FGD4: variants seen among roughly 807,000 people sequenced by gnomAD.
FGD4 encodes the protein FYVE, RhoGEF and PH domain-containing protein 4.
A neutral mutation model predicts 102.0 loss-of-function variants in FGD4; 42 were observed. That is an observed-to-expected ratio of 0.41 (90% confidence interval 0.32 to 0.53). The LOEUF (loss-of-function observed/expected upper bound fraction) is 0.53, where lower values mean the gene tolerates loss of function less well. Ranked by LOEUF, FGD4 falls within the 20% of genes least tolerant of loss-of-function variation. The pLI is 0.21. For missense variants in FGD4, 902 were observed against 1,078.2 expected (o/e 0.84, Z 2.29); for synonymous variants, 380 against 375.7 (o/e 1.01, Z -0.13).
At chr12:32,530,911 C>T (rs560753302) in intron 1 of FGD4, among the ~76,000 whole-genome samples, 8 of 133,722 alleles carry the variant, frequency 6.0e-5, no homozygotes, top group African/African-American at 2.3e-4. Context: ...TGAGTTTACA[C>T]TATCTATGAC....
intron 4 of FGD4, among the ~76,000 whole-genome samples, chr12:32,590,427 A>G (rs1195359007): frequency 6.6e-6 from 1 of 152,022 alleles, no homozygotes; most frequent in East Asian, 1.9e-4. Flanking sequence ...CTGTTAACAA[A>G]TAGTTCTTGA....
At position 32,644,024 on chromosome 12, in the gene FGD4, G is replaced by T. The variant is rs1300056625; in HGVS notation, c.*3491G>T. 6.6e-6 allele frequency: 1 copy of T among 152,082 alleles called. No individual in the cohort carries two copies. Among genetic ancestry groups the T allele is most frequent in the Non-Finnish European group, 1.5e-5 (1 of 67,982 alleles). 9.4% of individuals were successfully genotyped at this position (152,082 alleles called of 1,614,324 possible). A position where few individuals can be genotyped will look rare whatever the true frequency, so the allele number is the denominator to read the frequency against. On this transcript the variant is annotated 3_prime_UTR_variant, in exon 17 of 17. Coordinates refer to ENST00000534526, the MANE Select transcript of FGD4 (RefSeq NM_001370298.3). ...CGTCTTGGGTTTTATAGGTATCTTTGCTATAATGCAGAATAGATTAATGAA... is the reference window on the plus strand; with the variant it reads ...CGTCTTGGGTTTTATAGGTATCTTTTCTATAATGCAGAATAGATTAATGAA...
chr12:32,447,151 G>C (rs528534200), intron 1 of FGD4, among the ~76,000 whole-genome samples: 2 of 152,330 alleles, frequency 1.3e-5, no homozygotes, highest in African/African-American at 4.8e-5. Flanking sequence ...ATGTCTCCTA[G>C]CTCATCCAGA....
At position 32,450,121 on chromosome 12, in the gene FGD4, C is replaced by T. The variant is rs141873338; in HGVS notation, c.166+50162C>T. ...CTAATTTTTGTATTTTTAGTAGTGA[C>T]GGGGTTTCACCATATTGGCCAGGCT... is the stretch of plus-strand genomic sequence containing the variant. On this transcript the variant is annotated intron_variant, in intron 1 of 16. Transcript: ENST00000534526. Among the ~76,000 whole-genome samples the T allele has an allele frequency of 4.6e-4, 70 of 151,872 alleles. No individual in the cohort carries two copies. The East Asian group carries it at 0.013, about 27-fold the overall frequency.
At chr12:32,618,106 T>C (rs1303055981) in intron 10 of FGD4, among the ~76,000 whole-genome samples, 1 of 152,238 alleles carries the variant, frequency 6.6e-6, no homozygotes, top group Non-Finnish European at 1.5e-5. Flanking sequence ...TGGCAAATGC[T>C]AAGAACCTTC....
chr12:32,575,793 TTTG>T (rs1268862244), intron 2 of FGD4, among the ~76,000 whole-genome samples: 2 of 152,224 alleles, frequency 1.3e-5, no homozygotes, highest in Non-Finnish European at 2.9e-5. Flanking sequence ...ATTACTGTTG[TTTG>T]TTGTTGTTTT....
rs937065526 is a variant in FGD4, at chr12:32,643,173, C to T, written c.*2640C>T. ...AATTTTGCTTTTGCTGAAAGCCTAC[C>T]ATTTGGCGTGTTAAGTATGAAATAT... On this transcript the variant is annotated 3_prime_UTR_variant, in exon 17 of 17. Coordinates refer to ENST00000534526, the MANE Select transcript of FGD4 (RefSeq NM_001370298.3). 6.6e-6 allele frequency: 1 copy of T among 152,394 alleles called. No homozygotes were observed. Among genetic ancestry groups the T allele is most frequent in the Non-Finnish European group, 1.5e-5 (1 of 67,928 alleles). 9.4% of individuals were successfully genotyped at this position (152,394 alleles called of 1,614,324 possible).
chr12:32,411,475 G>A (rs1941205229), intron 1 of FGD4, among the ~76,000 whole-genome samples: 2 of 151,492 alleles, frequency 1.3e-5, no homozygotes, highest in Admixed American at 6.6e-5. Flanking sequence ...CAGAGGTTGC[G>A]GTGAGGCGAG....
intron 1 of FGD4, among the ~76,000 whole-genome samples, chr12:32,493,530 A>T (rs904586648): frequency 6.6e-6 from 1 of 152,108 alleles, no homozygotes; most frequent in Non-Finnish European, 1.5e-5. Context: ...ACCCACCTCC[A>T]CTCCATTAGC....
At chr12:32,550,427 T>C (rs1051901598) in intron 1 of FGD4, among the ~76,000 whole-genome samples, 6 of 152,026 alleles carry the variant, frequency 3.9e-5, no homozygotes, top group African/African-American at 1.4e-4. Flanking sequence ...CCCATCACTT[T>C]GGGAGGGCGA....
rs1947260110 is a variant in FGD4 at position 32,588,933 on chromosome 12, T to A, written c.1011+6466T>A. On this transcript the variant is annotated intron_variant, in intron 4 of 16. Transcript: ENST00000534526. ...GCTTTATATGGGGTTAAAAACAAAT[T>A]AAAAAGCCAGATACCTAACCTAGTG... 3.3e-5 allele frequency among the ~76,000 whole-genome samples: 5 copies of A among 152,078 alleles called. No individual in the cohort carries two copies. The South Asian group carries it at 1.0e-3, about 32-fold the overall frequency.
At chr12:32,428,449 G>A (rs1204813659) in intron 1 of FGD4, among the ~76,000 whole-genome samples, 1 of 152,136 alleles carries the variant, frequency 6.6e-6, no homozygotes, top group Non-Finnish European at 1.5e-5. Context: ...AGTCTGATGG[G>A]CTTTCCTTTG....
chr12:32,469,410 C>T (rs1943355324), intron 1 of FGD4, among the ~76,000 whole-genome samples: 2 of 151,742 alleles, frequency 1.3e-5, no homozygotes, highest in African/African-American at 4.8e-5. Flanking sequence ...TCCCAAGTAG[C>T]TGGGACTACA....
chr12:32,503,574 T>C lies in FGD4; in HGVS notation c.167-60563T>C, dbSNP rs562296555. Reference sequence around the variant, plus strand: ...TTGACTTTAAAATCTTACCCTCTTTTGTGCTTACTGGTGTTTGTACATCAT... The same window carrying C: ...TTGACTTTAAAATCTTACCCTCTTTCGTGCTTACTGGTGTTTGTACATCAT... On this transcript the variant is annotated intron_variant, in intron 1 of 16. Transcript: ENST00000534526. Among the ~76,000 whole-genome samples, 5 of 152,354 alleles carry C rather than the reference T, an allele frequency of 3.3e-5. No individual in the cohort carries two copies. In the East Asian group the frequency reaches 9.6e-4, roughly 29 times the overall value.
At chr12:32,435,643 AG>A (rs1942206419) in intron 1 of FGD4, among the ~76,000 whole-genome samples, 1 of 151,990 alleles carries the variant, frequency 6.6e-6, no homozygotes, top group African/African-American at 2.4e-5. Context: ...ACTTTTTGTT[AG>A]TGATTACACA....
chr12:32,497,907 C>CT (rs1390020870), intron 1 of FGD4, among the ~76,000 whole-genome samples: 2 of 152,132 alleles, frequency 1.3e-5, no homozygotes, highest in East Asian at 1.9e-4. Flanking sequence ...CTACTTCAGC[C>CT]TTTTTTCTTC....
rs1226868443 is a variant in FGD4 at position 32,501,962 on chromosome 12, TTAAA to T, written c.167-62172_167-62169del. ...TTTTAGTTGGGCTGCACTGGCTTGT[TTAAA>T]TAGCCAAACACCTGCTAGGCAAGCC... is the stretch of plus-strand genomic sequence containing the variant. On this transcript the variant is annotated intron_variant, in intron 1 of 16. Coordinates refer to ENST00000534526, the MANE Select transcript of FGD4 (RefSeq NM_001370298.3). 2.4e-4 allele frequency: 223 copies of T among 922,202 alleles called. No individual in the cohort carries two copies. In the African/African-American group the frequency reaches 3.6e-3, roughly 15 times the overall value. 57.1% of individuals were successfully genotyped at this position (922,202 alleles called of 1,614,324 possible).
intron 4 of FGD4, among the ~76,000 whole-genome samples, chr12:32,592,687 C>T (rs2136535489): frequency 6.6e-6 from 1 of 152,082 alleles, no homozygotes; most frequent in Non-Finnish European, 1.5e-5. Context: ...TAATAAAGCC[C>T]CATGCATGCA....
At chr12:32,555,821 C>T (rs1242017395) in intron 1 of FGD4, among the ~76,000 whole-genome samples, 1 of 152,010 alleles carries the variant, frequency 6.6e-6, no homozygotes, top group Non-Finnish European at 1.5e-5. Flanking sequence ...TCACCTGCCT[C>T]AGCCTCCCAA....
Sources: allele counts gnomAD v4.1 joint callset (sites outside exome capture counted in the v4.1 genomes callset), GRCh38; gene constraint gnomAD v4.1.1; transcripts MANE v1.5; gene names NCBI Gene and HGNC (gene_info 2026-07-23, HGNC 2026-07-21).